The following CES1 variants were observed in gnomAD, a reference collection of about 807,000 sequenced individuals.
CES1 encodes the protein liver carboxylesterase 1.
CES1 carries 50 observed loss-of-function variants against 53.0 expected under a neutral mutation model. That is an observed-to-expected ratio of 0.94 (90% CI 0.75 to 1.19). CES1 has a LOEUF of 1.19. CES1 is among the 50% of genes most tolerant of loss of function. The pLI is 0.00. For synonymous variants in CES1, 202 were observed against 210.1 expected (o/e 0.96, Z 0.33); for missense variants, 534 against 538.0 (o/e 0.99, Z 0.07).
At chr16:55,824,392 G>C (rs544513488) in intron 3 of CES1, among the ~76,000 whole-genome samples, 6 of 152,358 alleles carry the variant, frequency 3.9e-5, no homozygotes, top group Non-Finnish European at 5.9e-5. Flanking sequence ...GAAGAAGTGA[G>C]AGTGGCTAAA....
intron 4 of CES1, 116 bp from the exon 5 acceptor site, chr16:55,821,637 G>C (rs1411260140): frequency 9.1e-7 from 1 of 1,102,204 alleles, no homozygotes; most frequent in Non-Finnish European, 1.4e-6. Context: ...CTGGGCTTCA[G>C]CATCTCTGAG....
At chr16:55,826,828 G>T (rs1178737691) in intron 2 of CES1, among the ~76,000 whole-genome samples, 6 of 152,166 alleles carry the variant, frequency 3.9e-5, no homozygotes, top group African/African-American at 1.4e-4. Flanking sequence ...CTGTTGTGTT[G>T]CCCTGATGAA....
chr16:55,816,786 T>C (rs2031961828), intron 8 of CES1, 138 bp downstream of exon 8: 11 of 1,083,128 alleles, frequency 1.0e-5, no homozygotes, highest in African/African-American at 9.5e-5. Flanking sequence ...GGTGAGTCAC[T>C]ACCCCTCTCT....
intron 1 of CES1, among the ~76,000 whole-genome samples, chr16:55,829,689 A>G (rs1228129557): frequency 6.6e-6 from 1 of 152,230 alleles, no homozygotes; most frequent in Non-Finnish European, 1.5e-5. Flanking sequence ...GAGACCGCAC[A>G]TGTCAGGGAG....
intron 9 of CES1, 133 bp downstream of exon 9, chr16:55,812,770 T>C (rs2031755607): frequency 7.7e-7 from 1 of 1,303,990 alleles, no homozygotes. Context: ...TCCGTGGAAA[T>C]GTTAACTCCT....
chr16:55,826,581 C>T (rs141327529), intron 2 of CES1, among the ~76,000 whole-genome samples: 1 of 152,168 alleles, frequency 6.6e-6, no homozygotes. Context: ...ATACACTGAT[C>T]CTCCCTGGGA....
intron 8 of CES1, among the ~76,000 whole-genome samples, chr16:55,813,445 G>A (rs2031794957): frequency 6.6e-6 from 1 of 151,978 alleles, no homozygotes; most frequent in Non-Finnish European, 1.5e-5. Context: ...TCACTCAAGG[G>A]GGAAATACTG....
intron 9 of CES1, 30 bp from the exon 10 acceptor site, chr16:55,811,040 G>A (rs765355493): frequency 6.6e-7 from 1 of 1,524,786 alleles, no homozygotes; most frequent in Non-Finnish European, 9.1e-7. Context: ...CAGCATTTAT[G>A]AATCATTGGG....
intron 11 of CES1, among the ~76,000 whole-genome samples, chr16:55,809,411 C>A (rs1463756875): frequency 5.3e-5 from 8 of 152,190 alleles, no homozygotes; most frequent in African/African-American, 1.9e-4. Flanking sequence ...AATTTAAAAA[C>A]CCTTCCAGCA....
chr16:55,808,862 G>T (rs2142309955), intron 11 of CES1, among the ~76,000 whole-genome samples: 1 of 152,116 alleles, frequency 6.6e-6, no homozygotes, highest in Non-Finnish European at 1.5e-5. Flanking sequence ...ATATAAAATT[G>T]ATTTTTAAAG....
intron 3 of CES1, among the ~76,000 whole-genome samples, chr16:55,825,601 A>C (rs1169677615): frequency 6.6e-6 from 1 of 152,268 alleles, no homozygotes; most frequent in East Asian, 1.9e-4. Flanking sequence ...GTACCTGGAC[A>C]GTGAAAGTTA....
Position 55,808,314 on chromosome 16 carries a change from TCACAA to T in CES1, c.1319-1855_1319-1851del, listed in dbSNP as rs199616482. ...ATTGATATTTATACAATTCTTACAATCACAACACAAGTCTTCAGAGGAAAGTAGCG... is the reference window on the plus strand; with the variant it reads ...ATTGATATTTATACAATTCTTACAATCACAAGTCTTCAGAGGAAAGTAGCG... On this transcript the variant is annotated intron_variant, in intron 11 of 13. Transcript: ENST00000360526. Among the ~76,000 whole-genome samples, 1,440 of 148,088 alleles carry T rather than the reference TCACAA, an allele frequency of 9.7e-3. 12 individuals are homozygous for T. Among genetic ancestry groups the T allele is most frequent in the African/African-American group, 0.036 (1,374 of 38,160 alleles).
chr16:55,819,746 A>G (rs1296976673), intron 6 of CES1, 107 bp from the exon 7 acceptor site: 2 of 950,960 alleles, frequency 2.1e-6, no homozygotes, highest in Non-Finnish European at 3.4e-6. Context: ...AGTGGCAGGG[A>G]GCAGCAGAAG....
chr16:55,810,496 C>T lies in CES1; in HGVS notation c.1318+21G>A, dbSNP rs551278554. The T allele has an allele frequency of 7.4e-5, 119 of 1,613,868 alleles. 1 individual carries two copies. In the South Asian group the frequency reaches 1.1e-3, roughly 15 times the overall value. On this transcript the variant is annotated intron_variant, in intron 11 of 13. Transcript: ENST00000360526. ...AAGCTCGTGGGGTTTGTGTCCCTCC[C>T]GTTCGACCTCTGGGACTCACCTCTG...
chr16:55,822,486 G>C (rs2032238883), intron 4 of CES1, among the ~76,000 whole-genome samples: 1 of 152,218 alleles, frequency 6.6e-6, no homozygotes, highest in Admixed American at 6.5e-5. Flanking sequence ...CAGAAGCTGA[G>C]TGGAGGCGTG....
At chr16:55,832,899 G>A (rs1235304072) in intron 1 of CES1, 105 bp downstream of exon 1, 2 of 1,080,492 alleles carry the variant, frequency 1.9e-6, no homozygotes, top group Non-Finnish European at 2.9e-6. Flanking sequence ...CCCCGCCGCA[G>A]AGCCGGACCT....
At chr16:55,824,426 T>C (rs1349487497) in intron 3 of CES1, among the ~76,000 whole-genome samples, 1 of 152,216 alleles carries the variant, frequency 6.6e-6, no homozygotes, top group Non-Finnish European at 1.5e-5. Context: ...AATAATATTA[T>C]TCATGAAATA....
Position 55,826,179 on chromosome 16 carries a change from G to A in CES1, c.377C>T (p.Ala126Val), listed in dbSNP as rs1383282598. The change falls in exon 3 of 14, where the codon GCT (alanine) becomes GTT (valine). Residue 126 changes from alanine to valine, a missense_variant. Physicochemically the swap from Ala to Val is moderately conservative, Grantham distance 64 (BLOSUM62 0). Transcript: ENST00000360526. The stretch of plus-strand genomic sequence containing the variant: ...CAGCCTGTTTTTCTTGGTCAAGTCA[G>A]CAGGAGTGTAAATATTGAGGTAAAG... ...DCLYLNIYTP[A>V]DLTKKNRLPV... 78 of 1,613,986 alleles carry A rather than the reference G, an allele frequency of 4.8e-5. No homozygotes were observed. The highest frequency in any genetic ancestry group is 6.6e-5 in the Non-Finnish European group (78 of 1,179,870).
intron 8 of CES1, among the ~76,000 whole-genome samples, chr16:55,816,575 C>T (rs1458279729): frequency 2.6e-5 from 4 of 152,188 alleles, no homozygotes; most frequent in Non-Finnish European, 5.9e-5. Flanking sequence ...GGCTAATCAT[C>T]GCTGTTATCT....
Sources: gnomAD v4.1 joint callset for allele counts (sites outside exome capture counted in the v4.1 genomes callset) on GRCh38, gnomAD v4.1.1 for gene constraint, MANE v1.5 for transcripts, NCBI Gene and HGNC (gene_info 2026-07-23, HGNC 2026-07-21) for gene names.